The following CSNK1A1 variants were observed in gnomAD, a reference collection of about 807,000 sequenced individuals.
CSNK1A1 encodes the protein casein kinase I isoform alpha.
In CSNK1A1, 7 loss-of-function variants were observed where a neutral mutation model predicts 46.1. The ratio of observed to expected loss-of-function variants is 0.15; its 90% confidence interval spans 0.09 to 0.29. The LOEUF is 0.29. Ranked by LOEUF, CSNK1A1 falls within the 10% of genes least tolerant of loss-of-function variation. CSNK1A1 has a pLI of 1.00. For missense variants in CSNK1A1, 96 were observed against 417.1 expected, an observed-to-expected ratio of 0.23 and a Z score of 6.71; for synonymous variants, 137 against 141.5, an observed-to-expected ratio of 0.97 and a Z score of 0.23.
intron 2 of CSNK1A1, among the ~76,000 whole-genome samples, chr5:149,527,965 CATCT>C (rs2113133990): frequency 6.6e-6 from 1 of 152,278 alleles, no homozygotes; most frequent in East Asian, 1.9e-4. Flanking sequence ...TATAACCATC[CATCT>C]AAGCCCAAAC....
intron 2 of CSNK1A1, among the ~76,000 whole-genome samples, chr5:149,547,986 T>A (rs1255630754): frequency 1.3e-5 from 2 of 152,260 alleles, no homozygotes; most frequent in African/African-American, 4.8e-5. Flanking sequence ...TTCTCCTGCT[T>A]CAGCCTCCCG....
chr5:149,534,508 A>G (rs1315001589), intron 2 of CSNK1A1, among the ~76,000 whole-genome samples: 1 of 133,202 alleles, frequency 7.5e-6, no homozygotes, highest in Admixed American at 7.5e-5. Context: ...AAAAAAAAAA[A>G]GAAGGCTTCC....
chr5:149,503,114 T>G (rs1760924359), intron 9 of CSNK1A1: 2 of 985,422 alleles, frequency 2.0e-6, no homozygotes, highest in African/African-American at 3.5e-5. Context: ...TAAGAGACTA[T>G]GCTTTTAAAT....
At chr5:149,545,637 C>T in intron 2 of CSNK1A1, 1 of 900,070 alleles carries the variant, frequency 1.1e-6, no homozygotes, top group African/African-American at 1.7e-5. Context: ...CCCTGCTAGC[C>T]TCAGCAAGTG....
chr5:149,522,820 A>T (rs1339332236), intron 3 of CSNK1A1, among the ~76,000 whole-genome samples: 1 of 152,178 alleles, frequency 6.6e-6, no homozygotes, highest in Non-Finnish European at 1.5e-5. Context: ...AGGATGGAAC[A>T]TCTTATTTTT....
At chr5:149,523,166 G>C (rs1018303304) in intron 3 of CSNK1A1, among the ~76,000 whole-genome samples, 3 of 150,992 alleles carry the variant, frequency 2.0e-5, no homozygotes, top group Admixed American at 6.6e-5. Flanking sequence ...TCAGCCTCCC[G>C]GGTAGCTGGG....
At position 149,505,600 on chromosome 5, in the gene CSNK1A1, AAC is replaced by A; in HGVS notation, c.858-7_858-6del. On this transcript the variant is annotated splice_polypyrimidine_tract_variant and splice_region_variant and intron_variant, in intron 8 of 9. Coordinates refer to ENST00000377843, the MANE Select transcript of CSNK1A1 (RefSeq NM_001892.6). The stretch of plus-strand genomic sequence containing the variant: ...TCATATTGATGGTTCAGGGTCCTGG[AAC>A]ACATAAAATATTTTATGTTAATCCT... 1 of 1,610,512 alleles carries A rather than the reference AAC, an allele frequency of 6.2e-7. No individual in the cohort carries two copies. Among genetic ancestry groups the A allele is most frequent in the Non-Finnish European group, 8.5e-7 (1 of 1,177,358 alleles).
In CSNK1A1 at chr5:149,550,467, C is replaced by A. The variant is rs1422478336; in HGVS notation, c.124-286G>T. 2.3e-6 allele frequency: 1 copy of A among 426,696 alleles called. No homozygotes were observed. Among genetic ancestry groups the A allele is most frequent in the African/African-American group, 2.2e-5 (1 of 45,282 alleles). 26.4% of individuals were successfully genotyped at this position (426,696 alleles called of 1,614,324 possible). Reference sequence around the variant, plus strand: ...AGAGGTTTTTAAGGAACTAGGCGATCGGAAACTGTTCTAATTGGAACAAGA... The same window carrying A: ...AGAGGTTTTTAAGGAACTAGGCGATAGGAAACTGTTCTAATTGGAACAAGA... On this transcript the variant is annotated intron_variant, in intron 1 of 9. Coordinates refer to ENST00000377843, the MANE Select transcript of CSNK1A1 (RefSeq NM_001892.6). This position sits in a 1 kb window ranked among gnomAD's most constrained non-coding sequence, Gnocchi z 4.3.
In CSNK1A1 at chr5:149,526,192, G is replaced by A. The variant is rs143588660; in HGVS notation, c.231-1021C>T. ...TCTCGCTCTGTTGCCAGGCTGGGGTGCAGTGGCAAATCACAACTCCTGCAG... is the reference window on the plus strand; with the variant it reads ...TCTCGCTCTGTTGCCAGGCTGGGGTACAGTGGCAAATCACAACTCCTGCAG... On this transcript the variant is annotated intron_variant, in intron 2 of 9. Transcript: ENST00000377843. 4.2e-3 allele frequency among the ~76,000 whole-genome samples: 637 copies of A among 152,018 alleles called. 5 individuals carry two copies. The highest frequency in any genetic ancestry group is 0.015 in the African/African-American group (609 of 41,482).
chr5:149,544,736 T>C (rs1411350713), intron 2 of CSNK1A1, among the ~76,000 whole-genome samples: 1 of 54,562 alleles, frequency 1.8e-5, no homozygotes, highest in Admixed American at 2.9e-4. Context: ...GGTAAAGAGC[T>C]TTATATATAT....
In CSNK1A1 at chr5:149,512,703, A is replaced by G. The variant is rs558877053; in HGVS notation, c.596+367T>C. The stretch of plus-strand genomic sequence containing the variant: ...TGATAACATTTTCCTTTTAAAAATA[A>G]ATAATGCATTCTTCCCAAACTCAGC... On this transcript the variant is annotated intron_variant, in intron 5 of 9. Coordinates refer to ENST00000377843, the MANE Select transcript of CSNK1A1 (RefSeq NM_001892.6). Among the ~76,000 whole-genome samples the G allele has an allele frequency of 2.0e-5, 3 of 152,344 alleles. No individual in the cohort carries two copies. The South Asian group carries it at 6.2e-4, about 32-fold the overall frequency.
intron 9 of CSNK1A1, chr5:149,501,931 CAG>C (rs1163335885): frequency 2.1e-6 from 2 of 942,458 alleles, no homozygotes; most frequent in Non-Finnish European, 2.5e-6. Context: ...TGAATAAAAA[CAG>C]TAATTATAAT....
In CSNK1A1 at chr5:149,550,300, G is replaced by C; in HGVS notation, c.124-119C>G. On this transcript the variant is annotated intron_variant, in intron 1 of 9. Transcript: ENST00000377843. This position sits in a 1 kb window ranked among gnomAD's most constrained non-coding sequence, Gnocchi z 4.3. ...GACTACAAGAAGAAGTGAAAAGCTG[G>C]AAAGAGAAAGCTCTCGGTAATTATA... The C allele has an allele frequency of 6.7e-7, 1 of 1,488,258 alleles. No individual in the cohort carries two copies. Among genetic ancestry groups the C allele is most frequent in the Non-Finnish European group, 8.9e-7 (1 of 1,124,382 alleles). 92.2% of individuals were successfully genotyped at this position (1,488,258 alleles called of 1,614,324 possible).
At chr5:149,510,267 T>TA (rs1328915391) in intron 6 of CSNK1A1, among the ~76,000 whole-genome samples, 1 of 151,968 alleles carries the variant, frequency 6.6e-6, no homozygotes. Flanking sequence ...TTTCTATATA[T>TA]TTTTTTAAGG....
At chr5:149,506,713 G>A (rs1229057936) in intron 8 of CSNK1A1, among the ~76,000 whole-genome samples, 1 of 152,034 alleles carries the variant, frequency 6.6e-6, no homozygotes, top group East Asian at 1.9e-4. Context: ...TTTTTATTTG[G>A]TACTGTACAA....
At chr5:149,497,091 T>C (rs907367549) in intron 9 of CSNK1A1, 2 of 1,315,686 alleles carry the variant, frequency 1.5e-6, no homozygotes, top group Non-Finnish European at 1.9e-6. Context: ...GTACAGTGAA[T>C]TCAAAGCCTC....
chr5:149,504,077 GT>G (rs1483510679), intron 9 of CSNK1A1: 25 of 985,276 alleles, frequency 2.5e-5, no homozygotes, highest in Admixed American at 6.1e-5. Flanking sequence ...ACTATGATTA[GT>G]TATACGATGA....
rs116264056 is a variant in CSNK1A1, at chr5:149,529,845, C to T, written c.231-4674G>A. On this transcript the variant is annotated intron_variant, in intron 2 of 9. Coordinates refer to ENST00000377843, the MANE Select transcript of CSNK1A1 (RefSeq NM_001892.6). ...GGACCAGGGGAAGGAATGACAATGA[C>T]ATGGTTACCAATTAGGAAGTGTTAT... 4.8e-3 allele frequency: 1,964 copies of T among 407,800 alleles called. 27 individuals carry two copies. Among genetic ancestry groups the T allele is most frequent in the African/African-American group, 0.037 (1,785 of 48,738 alleles). 25.3% of individuals were successfully genotyped at this position (407,800 alleles called of 1,614,324 possible).
intron 2 of CSNK1A1, among the ~76,000 whole-genome samples, chr5:149,528,262 T>C (rs1761780803): frequency 6.6e-6 from 1 of 152,078 alleles, no homozygotes; most frequent in South Asian, 2.1e-4. Flanking sequence ...TCCTTGAAAA[T>C]AGCTAAAAAA....
Sources: allele counts gnomAD v4.1 joint callset (sites outside exome capture counted in the v4.1 genomes callset), GRCh38; gene constraint gnomAD v4.1.1; non-coding constraint Gnocchi (gnomAD v3.1); transcripts MANE v1.5; gene names NCBI Gene and HGNC (gene_info 2026-07-23, HGNC 2026-07-21).